The following TCF4 variants were observed in gnomAD, a reference collection of about 807,000 sequenced individuals.
The protein encoded by TCF4 is transcription factor 4.
Under a neutral mutation model 82.1 loss-of-function variants are expected in TCF4, and 3 were observed. The ratio of observed to expected loss-of-function variants is 0.04; its 90% CI spans 0.02 to 0.09. The LOEUF (loss-of-function observed/expected upper bound fraction) is 0.09. TCF4 is among the 10% of genes least tolerant of loss of function. The pLI, the probability that TCF4 is intolerant of heterozygous loss-of-function variation, is 1.00. For synonymous variants in TCF4, 276 were observed against 309.6 expected (o/e 0.89, Z 1.14); for missense variants, 518 against 852.7 (o/e 0.61, Z 4.89).
intron 5 of TCF4, among the ~76,000 whole-genome samples, chr18:55,429,214 T>C (rs1385719308): frequency 1.3e-5 from 2 of 152,312 alleles, no homozygotes; most frequent in East Asian, 1.9e-4. Flanking sequence ...TAGTTGAATC[T>C]CTCTGGCCAG....
intron 5 of TCF4, among the ~76,000 whole-genome samples, chr18:55,445,181 G>A (rs1204736065): frequency 2.0e-5 from 3 of 151,994 alleles, no homozygotes; most frequent in East Asian, 1.9e-4. Context: ...TTTACCACAC[G>A]CTTCATTGAA....
chr18:55,476,725 C>A (rs1480326830), intron 3 of TCF4, among the ~76,000 whole-genome samples: 1 of 152,158 alleles, frequency 6.6e-6, no homozygotes, highest in Non-Finnish European at 1.5e-5. Context: ...ACCTCAGCCT[C>A]CCAAAATGCT....
At chr18:55,282,873 G>C (rs1381894509) in intron 8 of TCF4, among the ~76,000 whole-genome samples, 1 of 151,862 alleles carries the variant, frequency 6.6e-6, no homozygotes, top group Admixed American at 6.6e-5. Flanking sequence ...CAAGGTGACT[G>C]TTGGCATTCT....
At chr18:55,421,483 A>C (rs1322931114) in intron 5 of TCF4, among the ~76,000 whole-genome samples, 1 of 152,220 alleles carries the variant, frequency 6.6e-6, no homozygotes, top group Non-Finnish European at 1.5e-5. Flanking sequence ...ATCTTTATTT[A>C]TGCTGGGCTA....
At chr18:55,496,786 T>C (rs2096641203) in intron 3 of TCF4, among the ~76,000 whole-genome samples, 1 of 150,964 alleles carries the variant, frequency 6.6e-6, no homozygotes, top group African/African-American at 2.4e-5. Context: ...CTTCTTTATA[T>C]ACTCTAAATA....
intron 3 of TCF4, among the ~76,000 whole-genome samples, chr18:55,535,909 G>A (rs1213544680): frequency 6.6e-6 from 1 of 152,180 alleles, no homozygotes; most frequent in Non-Finnish European, 1.5e-5. Flanking sequence ...TCTGGAAACA[G>A]TCCGATGACA....
chr18:55,438,521 C>G (rs929055697), intron 5 of TCF4, among the ~76,000 whole-genome samples: 4 of 152,196 alleles, frequency 2.6e-5, no homozygotes, highest in African/African-American at 9.7e-5. Flanking sequence ...ATGGACCCTT[C>G]TCCATTGGAT....
chr18:55,368,564 T>G (rs140226114), intron 6 of TCF4, among the ~76,000 whole-genome samples: 19 of 152,298 alleles, frequency 1.2e-4, no homozygotes, highest in African/African-American at 4.3e-4. Context: ...CAAATTTGTG[T>G]TGGGCCGCAT....
chr18:55,401,169 G>T, intron 6 of TCF4: 1 of 1,263,864 alleles, frequency 7.9e-7, no homozygotes, highest in South Asian at 1.3e-5. Flanking sequence ...ACACACTATG[G>T]TCTGTTCTAT....
chr18:55,451,283 G>A (rs1049778988), intron 5 of TCF4, among the ~76,000 whole-genome samples: 3 of 152,186 alleles, frequency 2.0e-5, no homozygotes, highest in Non-Finnish European at 2.9e-5. Flanking sequence ...CAGTTACACA[G>A]CAGAGCACAG....
chr18:55,372,635 C>T (rs534483502), intron 6 of TCF4, among the ~76,000 whole-genome samples: 1 of 152,082 alleles, frequency 6.6e-6, no homozygotes, highest in African/African-American at 2.4e-5. Context: ...GGATATATAA[C>T]TGTATAATGA....
At chr18:55,586,840 C>CA (rs34071688) in intron 2 of TCF4, 9,626 of 403,422 alleles carry the variant, frequency 0.024, no homozygotes, top group Middle Eastern at 0.042. Flanking sequence ...TAATAAAACT[C>CA]AAAAAAAAAA....
intron 5 of TCF4, among the ~76,000 whole-genome samples, chr18:55,421,559 G>A (rs1469687789): frequency 6.6e-6 from 1 of 152,104 alleles, no homozygotes; most frequent in Non-Finnish European, 1.5e-5. Context: ...ACTCCCAGAA[G>A]TCATTTTATT....
intron 6 of TCF4, among the ~76,000 whole-genome samples, chr18:55,385,690 C>T (rs892881321): frequency 6.6e-5 from 10 of 152,150 alleles, no homozygotes; most frequent in African/African-American, 1.4e-4. Context: ...CATGAGCCAC[C>T]GCGGCCAGGT....
chr18:55,369,025 C>A (rs2088114147), intron 6 of TCF4, among the ~76,000 whole-genome samples: 1 of 152,128 alleles, frequency 6.6e-6, no homozygotes, highest in Non-Finnish European at 1.5e-5. Context: ...CAAGGCTTTG[C>A]CTTAAAATAT....
chr18:55,416,237 C>T (rs2094522170), intron 5 of TCF4, among the ~76,000 whole-genome samples: 1 of 151,310 alleles, frequency 6.6e-6, no homozygotes, highest in Admixed American at 6.6e-5. Flanking sequence ...GAAACAATAG[C>T]ACAAATTGAA....
At chr18:55,378,227 G>C (rs758566946) in intron 6 of TCF4, among the ~76,000 whole-genome samples, 3 of 152,136 alleles carry the variant, frequency 2.0e-5, no homozygotes, top group African/African-American at 4.8e-5. Flanking sequence ...CAAAGATACT[G>C]CCCACTCTTG....
chr18:55,587,902 G>A lies in TCF4; in HGVS notation c.-21+136C>T. 6.9e-6 allele frequency: 5 copies of A among 722,798 alleles called. No homozygotes were observed. The South Asian group carries it at 3.1e-4, about 44-fold the overall frequency. 44.8% of individuals were successfully genotyped at this position (722,798 alleles called of 1,614,324 possible). On this transcript the variant is annotated intron_variant, in intron 1 of 19. Coordinates refer to ENST00000354452, the MANE Select transcript of TCF4 (RefSeq NM_001083962.2). Reference sequence around the variant, plus strand: ...GAGGGAAGCGGCGGGAGGGGAAGGGGTGTCTCTTCTGGGAGCGCCGGGCGC... The same window carrying A: ...GAGGGAAGCGGCGGGAGGGGAAGGGATGTCTCTTCTGGGAGCGCCGGGCGC...
intron 6 of TCF4, among the ~76,000 whole-genome samples, chr18:55,369,503 G>A (rs2088287576): frequency 6.6e-6 from 1 of 152,136 alleles, no homozygotes; most frequent in South Asian, 2.1e-4. Flanking sequence ...CAAGTTAGAG[G>A]CGAAAGTGGC....
Sources: allele counts gnomAD v4.1 joint callset (sites outside exome capture counted in the v4.1 genomes callset), GRCh38; gene constraint gnomAD v4.1.1; transcripts MANE v1.5; gene names NCBI Gene and HGNC (gene_info 2026-07-23, HGNC 2026-07-21).